SYNE2: variants seen among roughly 807,000 people sequenced by gnomAD.
SYNE2 encodes the protein spectrin repeat containing nuclear envelope protein 2.
Under a neutral mutation model 856.3 loss-of-function variants are expected in SYNE2, and 431 were observed. The ratio of observed to expected loss-of-function variants is 0.50; its 90% CI spans 0.47 to 0.55. SYNE2 has a LOEUF of 0.55. SYNE2 is among the 20% of genes least tolerant of loss of function. The probability of loss-of-function intolerance (pLI) is 0.00; values close to 1 mark genes in which losing one functional copy is unlikely to be tolerated. For synonymous variants in SYNE2, 2,923 were observed against 2,872.3 expected (o/e 1.02, Z -0.56); for missense variants, 8,129 against 8,023.2 (o/e 1.01, Z -0.50).
intron 1 of SYNE2, among the ~76,000 whole-genome samples, chr14:63,792,846 AT>A (rs960528404): frequency 1.3e-5 from 2 of 151,330 alleles, no homozygotes; most frequent in Admixed American, 1.3e-4. Context: ...TGCCCAGATA[AT>A]TTTTTATTTT....
At position 64,007,139 on chromosome 14, in the gene SYNE2, AG is replaced by A. The variant is rs1182735452; in HGVS notation, c.4495del (p.Asp1499MetfsTer7). 1 of 1,613,884 alleles carries A rather than the reference AG, an allele frequency of 6.2e-7. No individual in the cohort carries two copies. The highest frequency in any genetic ancestry group is 8.5e-7 in the Non-Finnish European group (1 of 1,179,718). On this transcript the variant is annotated frameshift_variant, in exon 31 of 116. Transcript: ENST00000555002. LOFTEE classifies it high-confidence loss of function. Reference protein sequence around the residue: ...EMANSLPHFKDGREKTVNQQC... With the variant: ...EMANSLPHFKXGREKTVNQQC... ...TGGCTAATTCTCTTCCACACTTCAAAGATGGCAGAGAAAAAACCGTGAATCA... is the reference window on the plus strand; with the variant it reads ...TGGCTAATTCTCTTCCACACTTCAAAATGGCAGAGAAAAAACCGTGAATCA...
rs375217349 is a variant in SYNE2 at position 64,000,694 on chromosome 14, G to A, written c.3613G>A (p.Glu1205Lys). 4.0e-5 allele frequency: 65 copies of A among 1,613,032 alleles called. 1 individual carries two copies. The South Asian group carries it at 4.9e-4, about 12-fold the overall frequency. Residue 1205 changes from glutamate (E) to lysine (K), a missense_variant, in exon 28 of 116, where the codon GAG becomes AAG. Transcript: ENST00000555002. ...ERDTLKERER[E>K]LQMTLNTRME... ...AGACACACTAAAGGAAAGAGAAAGA[G>A]AGCTTCAGATGACTCTTAATACCAG...
At chr14:63,998,810 G>T (rs888512062) in intron 26 of SYNE2, 104 bp from the exon 27 acceptor site, 6 of 1,316,542 alleles carry the variant, frequency 4.6e-6, no homozygotes, top group Non-Finnish European at 6.5e-6. Context: ...CAATCCACCC[G>T]CCTTGGCCTC....
At chr14:63,928,788 C>T (rs779036944) in intron 2 of SYNE2, among the ~76,000 whole-genome samples, 1 of 152,128 alleles carries the variant, frequency 6.6e-6, no homozygotes. Context: ...GCTGTTGGAA[C>T]ACATGGCTAA....
At chr14:63,825,672 G>A (rs889728461) in intron 1 of SYNE2, among the ~76,000 whole-genome samples, 2 of 151,986 alleles carry the variant, frequency 1.3e-5, no homozygotes, top group Admixed American at 6.6e-5. Context: ...TCAGGAGTTC[G>A]AAACCAGCCT....
chr14:63,879,280 A>T (rs1346694980), intron 1 of SYNE2, among the ~76,000 whole-genome samples: 1 of 152,092 alleles, frequency 6.6e-6, no homozygotes, highest in Non-Finnish European at 1.5e-5. Flanking sequence ...GTAGAGAATG[A>T]CTCCTCTAGC....
chr14:64,095,539 CTT>C (rs967027503), intron 61 of SYNE2, among the ~76,000 whole-genome samples: 37 of 152,268 alleles, frequency 2.4e-4, no homozygotes, highest in African/African-American at 7.9e-4. Flanking sequence ...AATATTAACA[CTT>C]ATCTCTTCAG....
chr14:63,842,763 C>G (rs1363043780), intron 1 of SYNE2, among the ~76,000 whole-genome samples: 1 of 152,028 alleles, frequency 6.6e-6, no homozygotes, highest in Non-Finnish European at 1.5e-5. Flanking sequence ...CTGGCCTATA[C>G]ATATATGAAT....
At chr14:63,816,256 A>G (rs1292138704) in intron 1 of SYNE2, among the ~76,000 whole-genome samples, 1 of 151,972 alleles carries the variant, frequency 6.6e-6, no homozygotes, top group Non-Finnish European at 1.5e-5. Context: ...CTAAATTATT[A>G]TTATTACCAT....
Position 63,942,068 on chromosome 14 carries a change from T to G in SYNE2, c.333T>G (p.Ile111Met), listed in dbSNP as rs2095925719. 5.6e-6 allele frequency: 9 copies of G among 1,610,838 alleles called. No individual in the cohort carries two copies. Among genetic ancestry groups the G allele is most frequent in the African/African-American group, 1.3e-5 (1 of 74,872 alleles). ...TTTTCCAGATTAAGCTAATAAATAT[T>G]CATGTTACTGATATCATTGATGGAA... is the stretch of plus-strand genomic sequence containing the variant. ...LRNRSIKLINIHVTDIIDGNP... is the reference protein window; with the variant it reads ...LRNRSIKLINMHVTDIIDGNP... Residue 111 changes from isoleucine (I) to methionine (M), a missense_variant, in exon 6 of 116, where the codon ATT becomes ATG. By Grantham distance (10) the Ile-to-Met change is conservative. Coordinates refer to ENST00000555002, the MANE Select transcript of SYNE2 (RefSeq NM_182914.3).
chr14:63,842,960 G>T (rs1890118061), intron 1 of SYNE2, among the ~76,000 whole-genome samples: 2 of 151,894 alleles, frequency 1.3e-5, no homozygotes, highest in South Asian at 4.2e-4. Flanking sequence ...TTGTCAATGG[G>T]GTTTGCTTTT....
chr14:64,061,548 C>T (rs1437224847), intron 49 of SYNE2, among the ~76,000 whole-genome samples: 3 of 152,120 alleles, frequency 2.0e-5, no homozygotes, highest in Non-Finnish European at 4.4e-5. Flanking sequence ...TCAATTTTTG[C>T]CAATCTGATG....
intron 1 of SYNE2, among the ~76,000 whole-genome samples, chr14:63,797,332 A>T (rs1352933687): frequency 6.7e-6 from 1 of 150,150 alleles, no homozygotes; most frequent in Non-Finnish European, 1.5e-5. Context: ...CGGAGGTTGC[A>T]GTGAGCCAAG....
intron 115 of SYNE2, 82 bp downstream of exon 115, chr14:64,225,127 G>A: frequency 6.4e-7 from 1 of 1,574,628 alleles, no homozygotes; most frequent in Non-Finnish European, 8.7e-7. Context: ...CCACTATCAA[G>A]GTCCTTGCAA....
At chr14:64,086,593 T>C (rs912802841) in intron 57 of SYNE2, among the ~76,000 whole-genome samples, 1 of 152,174 alleles carries the variant, frequency 6.6e-6, no homozygotes, top group African/African-American at 2.4e-5. Context: ...GGAAGAGAAT[T>C]AACATCTCAA....
intron 50 of SYNE2, among the ~76,000 whole-genome samples, chr14:64,064,542 A>ATTTTTTTT (rs369447974): frequency 9.7e-6 from 1 of 103,614 alleles, no homozygotes. Context: ...GTACTTTTAG[A>ATTTTTTTT]TTTTTTTTTT....
chr14:63,784,620 A>G (rs1887444436), intron 1 of SYNE2, among the ~76,000 whole-genome samples: 1 of 152,064 alleles, frequency 6.6e-6, no homozygotes, highest in Non-Finnish European at 1.5e-5. Flanking sequence ...TGGGCCTCCC[A>G]AAGTGCTGGG....
At chr14:63,770,642 T>A (rs944080298) in intron 1 of SYNE2, among the ~76,000 whole-genome samples, 1 of 151,782 alleles carries the variant, frequency 6.6e-6, no homozygotes, top group Non-Finnish European at 1.5e-5. Flanking sequence ...TTTACCGAAA[T>A]AAAGAAAAGG....
chr14:64,008,827 C>T (rs958060152), intron 31 of SYNE2, among the ~76,000 whole-genome samples: 2 of 152,144 alleles, frequency 1.3e-5, no homozygotes, highest in East Asian at 1.9e-4. Context: ...CACCACCTGA[C>T]GGCACCATCC....
Sources: allele counts gnomAD v4.1 joint callset (sites outside exome capture counted in the v4.1 genomes callset), GRCh38; gene constraint gnomAD v4.1.1; transcripts MANE v1.5; gene names NCBI Gene and HGNC (gene_info 2026-07-23, HGNC 2026-07-21).